Variants in TCF7L1 observed in about 807,000 individuals in gnomAD.
The protein encoded by TCF7L1 is transcription factor 7-like 1.
TCF7L1 carries 18 observed loss-of-function variants against 63.7 expected under a neutral mutation model. The ratio of observed to expected loss-of-function variants is 0.28; its 90% CI spans 0.20 to 0.42. TCF7L1 has a LOEUF of 0.42. Among genes scored for constraint, TCF7L1 ranks in the 10% least tolerant of loss-of-function variants. The pLI is 1.00. For missense variants in TCF7L1, 654 were observed against 779.3 expected (o/e 0.84, Z 1.91); for synonymous variants, 355 against 340.9 (o/e 1.04, Z -0.46).
At chr2:85,185,954 CAG>C (rs1445885763) in intron 3 of TCF7L1, among the ~76,000 whole-genome samples, 28 of 145,390 alleles carry the variant, frequency 1.9e-4, no homozygotes, top group African/African-American at 4.3e-4. Context: ...GGAGACAACA[CAG>C]GGGATTTTTT....
At chr2:85,275,056 C>G (rs545107547) in intron 3 of TCF7L1, among the ~76,000 whole-genome samples, 1 of 152,332 alleles carries the variant, frequency 6.6e-6, no homozygotes, top group Non-Finnish European at 1.5e-5. Flanking sequence ...AAGTGGGGTT[C>G]AGCTAGGACC....
chr2:85,140,569 C>CG (rs1476098846), intron 3 of TCF7L1, among the ~76,000 whole-genome samples: 2 of 152,084 alleles, frequency 1.3e-5, no homozygotes, highest in Non-Finnish European at 2.9e-5. Context: ...GAGGTCAAGG[C>CG]GGGTGGATCA....
intron 3 of TCF7L1, among the ~76,000 whole-genome samples, chr2:85,199,783 A>G (rs1679232893): frequency 6.6e-6 from 1 of 152,242 alleles, no homozygotes; most frequent in South Asian, 2.1e-4. Context: ...TTATTGAGAT[A>G]TAAATCACAT....
intron 3 of TCF7L1, among the ~76,000 whole-genome samples, chr2:85,144,749 G>GTGTGTGTGTGTT (rs767439897): frequency 1.2e-4 from 17 of 147,062 alleles, no homozygotes; most frequent in African/African-American, 4.3e-4. Flanking sequence ...GTGTGTGTGT[G>GTGTGTGTGTGTT]TATGTGTGTG....
intron 3 of TCF7L1, among the ~76,000 whole-genome samples, chr2:85,182,750 A>G (rs1394566459): frequency 6.6e-6 from 1 of 152,254 alleles, no homozygotes; most frequent in Non-Finnish European, 1.5e-5. Context: ...GTCCAATGCA[A>G]GTCTGCATCA....
intron 3 of TCF7L1, among the ~76,000 whole-genome samples, chr2:85,264,297 T>C (rs6547607): frequency 0.46 from 69,825 of 152,044 alleles, 16,604 homozygotes; most frequent in Non-Finnish European, 0.53. Flanking sequence ...TAGAATGGAA[T>C]ATGGAAAATC....
At position 85,255,757 on chromosome 2, in the gene TCF7L1, G is replaced by C. The variant is rs189336941; in HGVS notation, c.442-27738G>C. On this transcript the variant is annotated intron_variant, in intron 3 of 11. Transcript: ENST00000282111. ...TCTGGTTGCTGTAGGCCTGCATTAG[G>C]GGAGTATCCTCTCTGGTCCCACGTG... 1.8e-3 allele frequency among the ~76,000 whole-genome samples: 271 copies of C among 152,282 alleles called. 1 individual carries two copies. The highest frequency in any genetic ancestry group is 6.3e-3 in the African/African-American group (263 of 41,558).
intron 3 of TCF7L1, among the ~76,000 whole-genome samples, chr2:85,230,293 C>G (rs1680048037): frequency 6.6e-6 from 1 of 152,144 alleles, no homozygotes; most frequent in Non-Finnish European, 1.5e-5. Context: ...GATTAGTACC[C>G]TGGAGTACAA....
chr2:85,266,682 C>T (rs1680980658), intron 3 of TCF7L1, among the ~76,000 whole-genome samples: 1 of 152,252 alleles, frequency 6.6e-6, no homozygotes, highest in South Asian at 2.1e-4. Flanking sequence ...GTTGAGCATG[C>T]TCTGCATGCC....
intron 3 of TCF7L1, among the ~76,000 whole-genome samples, chr2:85,203,771 G>C (rs1558632827): frequency 6.6e-6 from 1 of 150,942 alleles, no homozygotes; most frequent in East Asian, 1.9e-4. Context: ...AGAAAGAAAA[G>C]GAAGGAAGGG....
intron 3 of TCF7L1, among the ~76,000 whole-genome samples, chr2:85,174,448 G>C (rs1407005435): frequency 6.6e-6 from 1 of 152,136 alleles, no homozygotes; most frequent in Non-Finnish European, 1.5e-5. Context: ...AAGGCTCAAG[G>C]CTAATGGGGT....
intron 3 of TCF7L1, among the ~76,000 whole-genome samples, chr2:85,173,323 G>A (rs530132665): frequency 8.5e-5 from 13 of 152,080 alleles, no homozygotes; most frequent in South Asian, 2.1e-4. Context: ...GAGTGGGTAC[G>A]GAGGGGGTGG....
At chr2:85,144,053 G>A (rs543929441) in intron 3 of TCF7L1, among the ~76,000 whole-genome samples, 6 of 152,318 alleles carry the variant, frequency 3.9e-5, no homozygotes, top group African/African-American at 7.2e-5. Context: ...ATACGCAAAC[G>A]AATGTTTGGT....
At chr2:85,276,138 T>G (rs921042166) in intron 3 of TCF7L1, among the ~76,000 whole-genome samples, 1 of 152,356 alleles carries the variant, frequency 6.6e-6, no homozygotes, top group Admixed American at 6.5e-5. Context: ...CTTTACACTT[T>G]CGTTTTCTCT....
intron 3 of TCF7L1, among the ~76,000 whole-genome samples, chr2:85,136,011 G>T (rs1677585558): frequency 6.6e-6 from 1 of 152,052 alleles, no homozygotes; most frequent in Non-Finnish European, 1.5e-5. Context: ...ATGTAGCTTA[G>T]TTCTGCAAGT....
chr2:85,306,597 AG>A lies in TCF7L1; in HGVS notation c.1257+40del. The A allele has an allele frequency of 1.3e-6, 2 of 1,538,824 alleles. No homozygotes were observed. The highest frequency in any genetic ancestry group is 1.8e-6 in the Non-Finnish European group (2 of 1,114,022). On this transcript the variant is annotated intron_variant, in intron 10 of 11. Coordinates refer to ENST00000282111, the MANE Select transcript of TCF7L1 (RefSeq NM_031283.3). This position sits in a 1 kb window ranked among gnomAD's most constrained non-coding sequence, Gnocchi z 4.3. ...TCTGGGCAGAGGACGCTCAGACCCCAGGAACAGCCTCTGCAAGAGGAGGAAG... is the reference window on the plus strand; with the variant it reads ...TCTGGGCAGAGGACGCTCAGACCCCAGAACAGCCTCTGCAAGAGGAGGAAG...
At position 85,304,171 on chromosome 2, in the gene TCF7L1, T is replaced by C. The variant is rs996034824; in HGVS notation, c.762-84T>C. 1.7e-5 allele frequency: 24 copies of C among 1,431,192 alleles called. No individual in the cohort carries two copies. In the Admixed American group the frequency reaches 3.6e-4, roughly 21 times the overall value. The allele number at this position is 1,431,192 out of a possible 1,614,324, so 88.7% of individuals were successfully genotyped here. A position where few individuals can be genotyped will look rare whatever the true frequency, so the allele number is the denominator to read the frequency against. On this transcript the variant is annotated intron_variant, in intron 6 of 11. Transcript: ENST00000282111. ...ATTACCTTCCCGCTTCCTTCCCATATTTCTCATCCCTTCTTCCCAAGTGCC... is the reference window on the plus strand; with the variant it reads ...ATTACCTTCCCGCTTCCTTCCCATACTTCTCATCCCTTCTTCCCAAGTGCC...
In TCF7L1 at chr2:85,305,374, AC is replaced by A; in HGVS notation, c.966del (p.Ser323AlafsTer2). 6.2e-7 allele frequency: 1 copy of A among 1,611,344 alleles called. No homozygotes were observed. The highest frequency in any genetic ancestry group is 1.1e-5 in the South Asian group (1 of 90,864). On this transcript the variant is annotated frameshift_variant, in exon 8 of 12. Transcript: ENST00000282111. LOFTEE classifies it high-confidence loss of function. ...VSPIVKQEPA[P>X]PSLSPAVSVK... ...CCCCCATCGTCAAGCAGGAACCGGC[AC>A]CCCCCAGCCTGAGCCCTGCAGTGAG... is the stretch of plus-strand genomic sequence containing the variant.
intron 3 of TCF7L1, among the ~76,000 whole-genome samples, chr2:85,247,073 C>G (rs1680483998): frequency 6.6e-6 from 1 of 152,204 alleles, no homozygotes; most frequent in Non-Finnish European, 1.5e-5. Flanking sequence ...GTTTGCATCC[C>G]TACAAGAAGC....
Sources: allele counts gnomAD v4.1 joint callset (sites outside exome capture counted in the v4.1 genomes callset), GRCh38; gene constraint gnomAD v4.1.1; non-coding constraint Gnocchi (gnomAD v3.1); transcripts MANE v1.5; gene names NCBI Gene and HGNC (gene_info 2026-07-23, HGNC 2026-07-21).